The following MYO18B variants were observed in gnomAD, a reference collection of about 807,000 sequenced individuals.
MYO18B encodes myosin XVIIIB.
A neutral mutation model predicts 273.0 loss-of-function variants in MYO18B; 204 were observed. The ratio of observed to expected loss-of-function variants is 0.75; its 90% CI spans 0.67 to 0.84. The LOEUF (loss-of-function observed/expected upper bound fraction) is 0.84, where lower values mean the gene tolerates loss of function less well. MYO18B is among the 40% of genes least tolerant of loss of function. The probability of loss-of-function intolerance (pLI) is 0.00; values close to 1 mark genes in which losing one functional copy is unlikely to be tolerated. For synonymous variants in MYO18B, 1,330 were observed against 1,305.7 expected (o/e 1.02, Z -0.40); for missense variants, 3,212 against 3,287.6 (o/e 0.98, Z 0.56).
intron 34 of MYO18B, among the ~76,000 whole-genome samples, chr22:25,937,757 G>A (rs2092597960): frequency 6.6e-6 from 1 of 152,020 alleles, no homozygotes; most frequent in African/African-American, 2.4e-5. Flanking sequence ...GGCTGATTTT[G>A]TATTTTTAGT....
intron 1 of MYO18B, among the ~76,000 whole-genome samples, chr22:25,744,891 G>T (rs879668570): frequency 1.1e-4 from 17 of 152,124 alleles, no homozygotes; most frequent in Non-Finnish European, 2.2e-4. Flanking sequence ...CACAGAGAGG[G>T]AAAGCCACTT....
At position 25,947,704 on chromosome 22, in the gene MYO18B, T is replaced by A; in HGVS notation, c.5632-8T>A. ...ACCTTGCCTTGACCACTGATCTGCC[T>A]CCCCCAGGTGGATGAGCAGCTGTAC... On this transcript the variant is annotated splice_polypyrimidine_tract_variant and splice_region_variant and intron_variant, in intron 35 of 43. Transcript: ENST00000335473. 1 of 1,610,762 alleles carries A rather than the reference T, an allele frequency of 6.2e-7. No individual in the cohort carries two copies.
intron 34 of MYO18B, among the ~76,000 whole-genome samples, chr22:25,940,438 T>A (rs1244101852): frequency 6.6e-6 from 1 of 152,218 alleles, no homozygotes; most frequent in Non-Finnish European, 1.5e-5. Context: ...CTCTTTCCTT[T>A]ATAAATTATC....
chr22:25,776,640 G>T (rs1165868207), intron 7 of MYO18B, among the ~76,000 whole-genome samples: 2 of 152,170 alleles, frequency 1.3e-5, no homozygotes, highest in South Asian at 2.1e-4. Flanking sequence ...AACAGGTTGG[G>T]TGATTATCCT....
rs927381668 is a variant in MYO18B, at chr22:26,003,320, C to T, written c.6332+11C>T. On this transcript the variant is annotated intron_variant, in intron 41 of 43. Coordinates refer to ENST00000335473, the MANE Select transcript of MYO18B (RefSeq NM_032608.7). ...CGGCCGAAAAGAGATGTAAGTTAAC[C>T]CCAGGTAGAACTGAGCAGCTCACAA... 2 of 1,603,134 alleles carry T rather than the reference C, an allele frequency of 1.2e-6. No individual in the cohort carries two copies. Among genetic ancestry groups the T allele is most frequent in the Non-Finnish European group, 1.7e-6 (2 of 1,174,930 alleles).
rs1343861126 is a variant in MYO18B at position 25,992,410 on chromosome 22, A to G, written c.6204A>G (p.Thr2068=). Residue 2068 remains threonine (T), a synonymous_variant, in exon 40 of 44, where the codon ACA becomes ACG. Transcript: ENST00000335473. ...CAGCAGTGAGGCAAACCCTCCAGAC[A>G]GACCTGGAGACATCCATTCGGCGGA... The part of the protein sequence containing the change: ...ELAAVRQTLQ[T]DLETSIRRIA... 4.3e-6 allele frequency: 7 copies of G among 1,613,936 alleles called. No individual in the cohort carries two copies. Among genetic ancestry groups the G allele is most frequent in the African/African-American group, 2.7e-5 (2 of 74,944 alleles).
intron 25 of MYO18B, among the ~76,000 whole-genome samples, chr22:25,880,786 A>G (rs1193834426): frequency 1.3e-5 from 2 of 152,256 alleles, no homozygotes; most frequent in Non-Finnish European, 2.9e-5. Context: ...AGGAGGTGAC[A>G]GTGATGGAGG....
intron 33 of MYO18B, 74 bp from the exon 34 acceptor site, chr22:25,921,183 A>C: frequency 3.5e-6 from 5 of 1,436,962 alleles, no homozygotes; most frequent in Non-Finnish European, 4.7e-6. Flanking sequence ...AAACCAGGGA[A>C]CCTGATTCCG....
chr22:25,819,299 A>G (rs2145870021), intron 12 of MYO18B, among the ~76,000 whole-genome samples: 1 of 152,320 alleles, frequency 6.6e-6, no homozygotes, highest in South Asian at 2.1e-4. Context: ...TCTTCTTTTC[A>G]GAAATATCAA....
Position 26,027,285 on chromosome 22 carries a change from C to A in MYO18B, c.7311C>A (p.Thr2437=). ...CAAGCCTCGACTACGAACGCAAGAC[C>A]AAAGTGGACTTCGATGACTTCCTCC... ...KLPSLDYERK[T]KVDFDDFLPA... The change falls in exon 43 of 44, where the codon ACC becomes ACA. Residue 2437 remains threonine, a synonymous_variant. Transcript: ENST00000335473. The surrounding 1 kb of genome is among the most constrained non-coding windows in gnomAD (Gnocchi z 4.1). 1 of 1,613,998 alleles carries A rather than the reference C, an allele frequency of 6.2e-7. No homozygotes were observed.
chr22:25,824,113 G>A (rs982463951), intron 13 of MYO18B, among the ~76,000 whole-genome samples: 3 of 152,156 alleles, frequency 2.0e-5, no homozygotes, highest in Admixed American at 1.3e-4. Flanking sequence ...GCTCACTAAG[G>A]GTTTATAAAC....
At chr22:25,890,477 C>A (rs984758286) in intron 25 of MYO18B, among the ~76,000 whole-genome samples, 1 of 152,206 alleles carries the variant, frequency 6.6e-6, no homozygotes, top group African/African-American at 2.4e-5. Flanking sequence ...TCCTTGAATC[C>A]TCAAAAATAA....
At chr22:25,941,996 G>T (rs1421308013) in intron 34 of MYO18B, among the ~76,000 whole-genome samples, 2 of 152,214 alleles carry the variant, frequency 1.3e-5, no homozygotes, top group East Asian at 3.8e-4. Flanking sequence ...ACTTCCCAGG[G>T]ATGAAAGGAG....
rs76457379 is a variant in MYO18B, at chr22:25,830,518, G to A, written c.2979+1550G>A. On this transcript the variant is annotated intron_variant, in intron 15 of 43. Coordinates refer to ENST00000335473, the MANE Select transcript of MYO18B (RefSeq NM_032608.7). ...TGATCTTGGCAGGGCTCGCTCATGC[G>A]TGGGATCAGCTGGCCATGAACGGAT... Among the ~76,000 whole-genome samples, 588 of 152,306 alleles carry A rather than the reference G, an allele frequency of 3.9e-3. 3 individuals are homozygous for A. Among genetic ancestry groups the A allele is most frequent in the African/African-American group, 0.013 (551 of 41,548 alleles).
rs774304270 is a variant in MYO18B, at chr22:25,963,178, T to TCTCTCACA, written c.6156+7815_6156+7816insTCTCACAC. Among the ~76,000 whole-genome samples the TCTCTCACA allele has an allele frequency of 1.3e-3, 184 of 144,162 alleles. No individual in the cohort carries two copies. In the Middle Eastern group the frequency reaches 0.014, roughly 11 times the overall value. 94.6% of individuals were successfully genotyped at this position (144,162 alleles called of 152,430 possible). On this transcript the variant is annotated intron_variant, in intron 39 of 43. Transcript: ENST00000335473. The stretch of plus-strand genomic sequence containing the variant: ...TCTTTCTCCTCTCTCTCTCTCTCTC[T>TCTCTCACA]CACACACACACACACACACACACAC...
At chr22:25,867,070 A>C (rs1350461256) in intron 21 of MYO18B, among the ~76,000 whole-genome samples, 1 of 152,162 alleles carries the variant, frequency 6.6e-6, no homozygotes, top group African/African-American at 2.4e-5. Context: ...CCTGTGTGCA[A>C]ACTTGTAATC....
intron 11 of MYO18B, among the ~76,000 whole-genome samples, chr22:25,793,870 G>A (rs981941236): frequency 2.6e-5 from 4 of 152,130 alleles, no homozygotes; most frequent in Admixed American, 6.5e-5. Flanking sequence ...ACATAAAAGT[G>A]TATAACGTAT....
At chr22:25,824,335 G>A (rs754955346) in intron 13 of MYO18B, among the ~76,000 whole-genome samples, 14 of 152,148 alleles carry the variant, frequency 9.2e-5, no homozygotes, top group Non-Finnish European at 1.5e-4. Flanking sequence ...TCAGGGGCTA[G>A]TTTACAAGCT....
chr22:25,785,470 T>G lies in MYO18B; in HGVS notation c.2355T>G (p.Phe785Leu). The G allele has an allele frequency of 5.0e-6, 8 of 1,612,390 alleles. No individual in the cohort carries two copies. Among genetic ancestry groups the G allele is most frequent in the Non-Finnish European group, 6.8e-6 (8 of 1,179,314 alleles). Residue 785 changes from phenylalanine (F) to leucine (L), a missense_variant, in exon 11 of 44, where the codon TTT becomes TTG. Coordinates refer to ENST00000335473, the MANE Select transcript of MYO18B (RefSeq NM_032608.7). ...NLHQMADSSS[F>L]GMGVWSKPED... is the part of the protein sequence containing the mutation. Reference sequence around the variant, plus strand: ...ACCAGATGGCAGATAGCAGCTCCTTTGGCATGGGCGTGTGGTCCAAGGTAA... The same window carrying G: ...ACCAGATGGCAGATAGCAGCTCCTTGGGCATGGGCGTGTGGTCCAAGGTAA...
Sources: gnomAD v4.1 joint callset for allele counts (sites outside exome capture counted in the v4.1 genomes callset) on GRCh38, gnomAD v4.1.1 for gene constraint, Gnocchi (gnomAD v3.1) non-coding constraint, MANE v1.5 for transcripts, NCBI Gene and HGNC (gene_info 2026-07-23, HGNC 2026-07-21) for gene names.